Variants in PTPRN2 observed in about 807,000 individuals in gnomAD.
PTPRN2 encodes the protein protein tyrosine phosphatase receptor type N2, also known as receptor-type tyrosine-protein phosphatase N2.
In PTPRN2, 74 loss-of-function variants were observed where a neutral mutation model predicts 118.8. That is an observed-to-expected ratio of 0.62 (90% confidence interval 0.52 to 0.76). The LOEUF (loss-of-function observed/expected upper bound fraction) is 0.76, where lower values mean the gene tolerates loss of function less well. Ranked by LOEUF, PTPRN2 falls within the 30% of genes least tolerant of loss-of-function variation. The probability of loss-of-function intolerance (pLI) is 0.00; values close to 1 mark genes in which losing one functional copy is unlikely to be tolerated. For synonymous variants in PTPRN2, 641 were observed against 608.0 expected, an observed-to-expected ratio of 1.05 and a Z score of -0.80; for missense variants, 1,481 against 1,394.4, an observed-to-expected ratio of 1.06 and a Z score of -0.99.
At chr7:158,119,485 T>C (rs1816977389) in intron 9 of PTPRN2, among the ~76,000 whole-genome samples, 1 of 152,118 alleles carries the variant, frequency 6.6e-6, no homozygotes, top group South Asian at 2.1e-4. Flanking sequence ...CTCAAAAAAA[T>C]GAAAAATAGA....
At chr7:158,488,492 C>T (rs1821193282) in intron 2 of PTPRN2, among the ~76,000 whole-genome samples, 1 of 152,200 alleles carries the variant, frequency 6.6e-6, no homozygotes, top group African/African-American at 2.4e-5. Context: ...GCCCCCAGCC[C>T]CAAAATTCCA....
At chr7:158,436,146 C>T (rs1816560518) in intron 2 of PTPRN2, among the ~76,000 whole-genome samples, 1 of 152,154 alleles carries the variant, frequency 6.6e-6, no homozygotes, top group Non-Finnish European at 1.5e-5. Flanking sequence ...TGGATAATGC[C>T]AAAACCTGAG....
chr7:157,692,289 C>A (rs930292220), intron 12 of PTPRN2, among the ~76,000 whole-genome samples: 24 of 152,100 alleles, frequency 1.6e-4, no homozygotes, highest in Non-Finnish European at 2.6e-4. Flanking sequence ...CTCCTCCACA[C>A]CCCCCACCTC....
At chr7:158,322,480 C>T (rs1439097969) in intron 2 of PTPRN2, among the ~76,000 whole-genome samples, 5 of 150,546 alleles carry the variant, frequency 3.3e-5, no homozygotes, top group South Asian at 4.2e-4. Flanking sequence ...CATCCAGCCC[C>T]GGTGGGCGAC....
At chr7:157,693,000 G>T (rs991778965) in intron 12 of PTPRN2, among the ~76,000 whole-genome samples, 6 of 151,946 alleles carry the variant, frequency 3.9e-5, no homozygotes, top group Admixed American at 1.3e-4. Context: ...GTGCCTCGGC[G>T]TCCCCAGCCA....
At chr7:157,877,623 GT>G (rs1255860665) in intron 12 of PTPRN2, among the ~76,000 whole-genome samples, 1 of 152,164 alleles carries the variant, frequency 6.6e-6, no homozygotes, top group East Asian at 1.9e-4. Context: ...AAAGAGGAAG[GT>G]GATGTCTCTG....
intron 2 of PTPRN2, among the ~76,000 whole-genome samples, chr7:158,482,894 A>C (rs1192400766): frequency 6.6e-6 from 1 of 152,196 alleles, no homozygotes; most frequent in Non-Finnish European, 1.5e-5. Context: ...AAAACGGCAG[A>C]AGCAGACCAC....
intron 21 of PTPRN2, among the ~76,000 whole-genome samples, chr7:157,549,944 C>T (rs1416663597): frequency 3.3e-5 from 5 of 152,180 alleles, no homozygotes; most frequent in East Asian, 1.9e-4. Context: ...TCACCCGAGT[C>T]GCAGATGAGG....
At chr7:158,262,611 GCA>G (rs199608045) in intron 3 of PTPRN2, among the ~76,000 whole-genome samples, 3,331 of 127,486 alleles carry the variant, frequency 0.026, 102 homozygotes, top group African/African-American at 0.083. Context: ...CACACACACT[GCA>G]CACACACATA....
At chr7:157,593,665 C>A (rs1801124977) in intron 17 of PTPRN2, among the ~76,000 whole-genome samples, 1 of 152,192 alleles carries the variant, frequency 6.6e-6, no homozygotes, top group African/African-American at 2.4e-5. Context: ...GGGCTCCATT[C>A]TAAGGGCAGC....
chr7:158,258,121 G>A (rs114516900), intron 3 of PTPRN2, among the ~76,000 whole-genome samples: 9 of 152,306 alleles, frequency 5.9e-5, no homozygotes, highest in Non-Finnish European at 7.3e-5. Context: ...ATCTCCAAGC[G>A]GGCACGTAAG....
Position 158,441,206 on chromosome 7 carries a change from G to GATGGCA in PTPRN2, c.163+48528_163+48529insTGCCAT, listed in dbSNP as rs943104110. Among the ~76,000 whole-genome samples, 7 of 118,104 alleles carry GATGGCA rather than the reference G, an allele frequency of 5.9e-5. No individual in the cohort carries two copies. In the South Asian group the frequency reaches 2.1e-3, roughly 36 times the overall value. 77.5% of individuals were successfully genotyped at this position (118,104 alleles called of 152,430 possible). Reference sequence around the variant, plus strand: ...TGGTGGTGATAGTGATGGTGATGGTGGTGGTGGTGATGGTGATAGTAATGG... The same window carrying GATGGCA: ...TGGTGGTGATAGTGATGGTGATGGTGATGGCAGTGGTGGTGATGGTGATAGTAATGG... On this transcript the variant is annotated intron_variant, in intron 2 of 22. Transcript: ENST00000389418.
rs1201732338 is a variant in PTPRN2 at position 157,747,885 on chromosome 7, C to G, written c.1789-64948G>C. Among the ~76,000 whole-genome samples, 538 of 82,730 alleles carry G rather than the reference C, an allele frequency of 6.5e-3. 31 individuals are homozygous for G. The highest frequency in any genetic ancestry group is 0.019 in the Admixed American group (128 of 6,862). 54.3% of individuals were successfully genotyped at this position (82,730 alleles called of 152,430 possible). On this transcript the variant is annotated intron_variant, in intron 12 of 22. Coordinates refer to ENST00000389418, the MANE Select transcript of PTPRN2 (RefSeq NM_002847.5). ...CTGCGTCCCTGAGCTGTGGGGTGTC[C>G]GGGTGATTCTGAGGCCTGCGTCCCT... is the stretch of plus-strand genomic sequence containing the variant.
intron 2 of PTPRN2, among the ~76,000 whole-genome samples, chr7:158,322,395 T>A (rs1016951309): frequency 5.9e-5 from 9 of 151,586 alleles, no homozygotes; most frequent in Non-Finnish European, 1.2e-4. Flanking sequence ...CACCCAGCGG[T>A]CAGAGAACGA....
intron 1 of PTPRN2, 126 bp from the exon 2 acceptor site, chr7:158,489,911 G>T (rs1010333814): frequency 5.7e-6 from 5 of 878,220 alleles, no homozygotes; most frequent in Non-Finnish European, 8.7e-6. Flanking sequence ...CTCCGACCCG[G>T]CTTTTCCGAG....
chr7:158,009,776 G>A (rs1168164492), intron 11 of PTPRN2, among the ~76,000 whole-genome samples: 3 of 152,240 alleles, frequency 2.0e-5, no homozygotes, highest in Admixed American at 6.5e-5. Flanking sequence ...GTTGGAAACA[G>A]CACACGAGGT....
chr7:157,745,040 C>T (rs192858046), intron 12 of PTPRN2, among the ~76,000 whole-genome samples: 23 of 152,286 alleles, frequency 1.5e-4, no homozygotes, highest in African/African-American at 3.6e-4. Context: ...GTCTGAGAGG[C>T]GCCTCTGAGT....
intron 12 of PTPRN2, among the ~76,000 whole-genome samples, chr7:157,897,967 C>T (rs1797228600): frequency 1.3e-5 from 2 of 152,290 alleles, no homozygotes; most frequent in African/African-American, 4.8e-5. Flanking sequence ...AGAGGAGGCG[C>T]GTCCGCGCTC....
rs561459093 is a variant in PTPRN2 at position 157,757,019 on chromosome 7, G to A, written c.1789-74082C>T. 3.3e-5 allele frequency among the ~76,000 whole-genome samples: 5 copies of A among 152,330 alleles called. No homozygotes were observed. In the East Asian group the frequency reaches 5.8e-4, roughly 18 times the overall value. On this transcript the variant is annotated intron_variant, in intron 12 of 22. Transcript: ENST00000389418. ...AGTCAGGGATGTGGGGCCAGGAGCC[G>A]CCGTGTGGGGTGGACCCCTGCCAGA...
Sources: gnomAD v4.1 joint callset for allele counts (sites outside exome capture counted in the v4.1 genomes callset) on GRCh38, gnomAD v4.1.1 for gene constraint, MANE v1.5 for transcripts, NCBI Gene and HGNC (gene_info 2026-07-23, HGNC 2026-07-21) for gene names.